AKAP6: variants seen among roughly 807,000 people sequenced by gnomAD.
AKAP6 encodes the protein A-kinase anchor protein 6.
In AKAP6, 58 loss-of-function variants were observed where a neutral mutation model predicts 188.5. The observed-to-expected ratio is 0.31, with a 90% CI of 0.25 to 0.38. The LOEUF (loss-of-function observed/expected upper bound fraction) is 0.38. AKAP6 is among the 10% of genes least tolerant of loss of function. AKAP6 has a pLI of 1.00. For missense variants in AKAP6, 2,710 were observed against 2,740.0 expected, an observed-to-expected ratio of 0.99 and a Z score of 0.24; for synonymous variants, 989 against 998.6, an observed-to-expected ratio of 0.99 and a Z score of 0.18.
chr14:32,516,260 T>C (rs1408029268), intron 2 of AKAP6, among the ~76,000 whole-genome samples: 1 of 152,230 alleles, frequency 6.6e-6, no homozygotes, highest in East Asian at 1.9e-4. Context: ...TTTCCCTCTT[T>C]GGAGGAGAAT....
chr14:32,717,563 T>C (rs1456805071), intron 9 of AKAP6, among the ~76,000 whole-genome samples: 1 of 151,796 alleles, frequency 6.6e-6, no homozygotes, highest in African/African-American at 2.4e-5. Context: ...ATTCTCCAAA[T>C]TTTCACTTCT....
intron 2 of AKAP6, among the ~76,000 whole-genome samples, chr14:32,497,490 T>G (rs983126458): frequency 3.9e-5 from 6 of 152,226 alleles, no homozygotes; most frequent in Admixed American, 3.3e-4. Flanking sequence ...TCTTTTAAAA[T>G]TTATTGAGAC....
chr14:32,468,442 G>A (rs893941280), intron 2 of AKAP6, among the ~76,000 whole-genome samples: 1 of 152,114 alleles, frequency 6.6e-6, no homozygotes, highest in African/African-American at 2.4e-5. Context: ...GCCCACCTCT[G>A]TAAGTATAGC....
intron 5 of AKAP6, among the ~76,000 whole-genome samples, chr14:32,583,590 G>A (rs1402627286): frequency 2.0e-5 from 3 of 152,242 alleles, no homozygotes; most frequent in African/African-American, 7.2e-5. Context: ...GGAGCCTACA[G>A]AGGCAGGCAG....
chr14:32,719,359 A>C (rs2030404797), intron 9 of AKAP6, among the ~76,000 whole-genome samples: 1 of 152,148 alleles, frequency 6.6e-6, no homozygotes, highest in South Asian at 2.1e-4. Context: ...TTGAAAAGAT[A>C]GTTTTTTGAT....
chr14:32,361,071 T>TATATATA (rs1213844124), intron 1 of AKAP6, among the ~76,000 whole-genome samples: 18 of 149,112 alleles, frequency 1.2e-4, no homozygotes, highest in East Asian at 4.2e-4. Context: ...TATATATATA[T>TATATATA]TTGAGAAGCT....
At chr14:32,818,459 G>A (rs760628386) in intron 12 of AKAP6, among the ~76,000 whole-genome samples, 1 of 150,808 alleles carries the variant, frequency 6.6e-6, no homozygotes, top group Non-Finnish European at 1.5e-5. Context: ...ATTAGTTACA[G>A]TAGTTCATAC....
chr14:32,595,484 C>A (rs917310568), intron 5 of AKAP6, among the ~76,000 whole-genome samples: 1 of 152,150 alleles, frequency 6.6e-6, no homozygotes, highest in African/African-American at 2.4e-5. Context: ...AGCTATTATA[C>A]AGAATATAAA....
chr14:32,429,072 T>A (rs146342488), intron 1 of AKAP6, among the ~76,000 whole-genome samples: 1 of 152,120 alleles, frequency 6.6e-6, no homozygotes, highest in African/African-American at 2.4e-5. Flanking sequence ...AGATGAGAGG[T>A]CACTGGGTTC....
intron 7 of AKAP6, among the ~76,000 whole-genome samples, chr14:32,670,425 T>C (rs1889132329): frequency 1.3e-5 from 2 of 152,096 alleles, no homozygotes; most frequent in Admixed American, 6.6e-5. Flanking sequence ...TCTGGACTAG[T>C]TGCTAAAGGG....
intron 1 of AKAP6, among the ~76,000 whole-genome samples, chr14:32,390,759 C>T (rs1425227687): frequency 2.6e-5 from 4 of 152,054 alleles, no homozygotes; most frequent in Non-Finnish European, 5.9e-5. Flanking sequence ...TCTCCTGGGT[C>T]CTGCAGGAGC....
chr14:32,786,371 C>G (rs2033419289), intron 12 of AKAP6, among the ~76,000 whole-genome samples: 1 of 131,192 alleles, frequency 7.6e-6, no homozygotes, highest in South Asian at 2.5e-4. Context: ...GCAGTGGCGC[C>G]ATCTTGGCTC....
chr14:32,746,820 G>A (rs192857146), intron 11 of AKAP6, among the ~76,000 whole-genome samples: 2 of 152,158 alleles, frequency 1.3e-5, no homozygotes, highest in East Asian at 1.9e-4. Context: ...AAAGAGAAAA[G>A]CACATAGTTT....
chr14:32,771,242 A>G (rs892216293), intron 11 of AKAP6, among the ~76,000 whole-genome samples: 1 of 151,408 alleles, frequency 6.6e-6, no homozygotes, highest in East Asian at 1.9e-4. Context: ...AAAATTTCCA[A>G]TTTTCCCCTC....
intron 1 of AKAP6, among the ~76,000 whole-genome samples, chr14:32,424,922 A>T (rs1432397819): frequency 6.6e-6 from 1 of 152,096 alleles, no homozygotes; most frequent in African/African-American, 2.4e-5. Context: ...ATTTAGGTTG[A>T]TTCCATGTCT....
intron 11 of AKAP6, among the ~76,000 whole-genome samples, chr14:32,763,731 TG>T (rs2032615779): frequency 6.6e-6 from 1 of 152,186 alleles, no homozygotes; most frequent in Non-Finnish European, 1.5e-5. Context: ...CTTCACTGCA[TG>T]CTTATAGAAT....
intron 7 of AKAP6, among the ~76,000 whole-genome samples, chr14:32,655,912 A>G (rs1342643514): frequency 6.6e-6 from 1 of 152,136 alleles, no homozygotes; most frequent in Non-Finnish European, 1.5e-5. Flanking sequence ...TATAGAATAT[A>G]ATCAGAAATC....
At chr14:32,637,844 G>A (rs1327322125) in intron 7 of AKAP6, among the ~76,000 whole-genome samples, 2 of 150,482 alleles carry the variant, frequency 1.3e-5, no homozygotes, top group Admixed American at 1.3e-4. Flanking sequence ...TAGGTCATCG[G>A]AACTGAGGAA....
chr14:32,705,042 G>A (rs561709353), intron 9 of AKAP6, among the ~76,000 whole-genome samples: 2 of 152,274 alleles, frequency 1.3e-5, no homozygotes, highest in South Asian at 4.1e-4. Flanking sequence ...TTTTCCCATA[G>A]TGCTTTCACA....
Sources: gnomAD v4.1 joint callset for allele counts (sites outside exome capture counted in the v4.1 genomes callset) on GRCh38, gnomAD v4.1.1 for gene constraint, MANE v1.5 for transcripts, NCBI Gene and HGNC (gene_info 2026-07-23, HGNC 2026-07-21) for gene names.